MTBP: variants seen among roughly 807,000 people sequenced by gnomAD.
MTBP encodes the protein MDM2 binding protein.
A neutral mutation model predicts 117.0 loss-of-function variants in MTBP; 101 were observed. The ratio of observed to expected loss-of-function variants is 0.86; its 90% CI spans 0.73 to 1.02. The LOEUF is 1.02. Ranked by LOEUF, MTBP falls within the 50% of genes least tolerant of loss-of-function variation. MTBP has a pLI of 0.00. For missense variants in MTBP, 970 were observed against 1,030.9 expected, an observed-to-expected ratio of 0.94 and a Z score of 0.81; for synonymous variants, 350 against 351.5, an observed-to-expected ratio of 1.00 and a Z score of 0.05.
At chr8:120,492,027 T>A (rs977180089) in intron 13 of MTBP, among the ~76,000 whole-genome samples, 2 of 151,860 alleles carry the variant, frequency 1.3e-5, no homozygotes, top group African/African-American at 2.4e-5. Flanking sequence ...ATTAAAAAAA[T>A]AAAAAATCGC....
At chr8:120,486,234 C>T (rs1814210975) in intron 11 of MTBP, among the ~76,000 whole-genome samples, 1 of 152,082 alleles carries the variant, frequency 6.6e-6, no homozygotes, top group African/African-American at 2.4e-5. Context: ...TACCAAGTCT[C>T]CATAGTTTTT....
chr8:120,500,306 A>G (rs1814556781), intron 14 of MTBP, among the ~76,000 whole-genome samples: 2 of 152,284 alleles, frequency 1.3e-5, no homozygotes, highest in Admixed American at 1.3e-4. Flanking sequence ...TAAGAATTGT[A>G]TTAAATGATT....
chr8:120,471,447 C>T (rs1813814818), intron 11 of MTBP: 1 of 152,226 alleles, frequency 6.6e-6, no homozygotes, highest in Non-Finnish European at 1.5e-5. Context: ...GGATTACAGG[C>T]ACCCACCACC....
At chr8:120,488,484 C>T in intron 12 of MTBP, 152 bp downstream of exon 12, 1 of 608,580 alleles carries the variant, frequency 1.6e-6, no homozygotes, top group Non-Finnish European at 2.5e-6. Context: ...TTATTTAAAA[C>T]ATATTATGAC....
intron 11 of MTBP, chr8:120,473,445 C>G (rs1813865109): frequency 6.6e-6 from 1 of 152,122 alleles, no homozygotes; most frequent in African/African-American, 2.4e-5. Context: ...AAAGGAGCAT[C>G]AAACTGGGTT....
intron 2 of MTBP, 62 bp downstream of exon 2, chr8:120,446,575 A>G: frequency 1.9e-6 from 2 of 1,026,666 alleles, no homozygotes; most frequent in Admixed American, 3.4e-5. Flanking sequence ...TAACTTAATT[A>G]ATTTGGACCC....
At chr8:120,488,982 C>T (rs925563468) in intron 12 of MTBP, among the ~76,000 whole-genome samples, 1 of 151,510 alleles carries the variant, frequency 6.6e-6, no homozygotes, top group African/African-American at 2.4e-5. Context: ...TCTTCACAGG[C>T]GCTTTCCTCA....
intron 7 of MTBP, among the ~76,000 whole-genome samples, chr8:120,458,522 G>A (rs1813517463): frequency 6.6e-6 from 1 of 152,066 alleles, no homozygotes. Flanking sequence ...AACTATGTGA[G>A]ACACTGTGCT....
At position 120,451,022 on chromosome 8, in the gene MTBP, A is replaced by G; in HGVS notation, c.219A>G (p.Ile73Met). 5 of 1,612,178 alleles carry G rather than the reference A, an allele frequency of 3.1e-6. No homozygotes were observed. The highest frequency in any genetic ancestry group is 4.2e-6 in the Non-Finnish European group (5 of 1,179,238). Residue 73 changes from isoleucine (I) to methionine (M), a missense_variant, in exon 3 of 22, where the codon ATA (isoleucine) becomes ATG (methionine). Transcript: ENST00000305949. ...TTCAAGCCTGTTCAGTGGGAGGTAT[A>G]CCTGGTTCCAAGAAGTGGTTCTTTG... is the stretch of plus-strand genomic sequence containing the variant. Reference protein sequence around the residue: ...STFPACSVGGIPGSKKWFFAV... With the variant: ...STFPACSVGGMPGSKKWFFAV...
At chr8:120,500,509 T>C (rs1165784455) in intron 14 of MTBP, among the ~76,000 whole-genome samples, 2 of 152,242 alleles carry the variant, frequency 1.3e-5, no homozygotes, top group African/African-American at 4.8e-5. Flanking sequence ...GTGATTTTTT[T>C]CTTTATGCTT....
chr8:120,478,994 A>G (rs1045451693), intron 11 of MTBP, among the ~76,000 whole-genome samples: 2 of 152,242 alleles, frequency 1.3e-5, no homozygotes, highest in African/African-American at 4.8e-5. Flanking sequence ...CTGTGGAACC[A>G]TGTCCTTTGC....
At chr8:120,522,914 A>G (rs1033647319) in intron 21 of MTBP, among the ~76,000 whole-genome samples, 195 bp downstream of exon 21, 2 of 152,174 alleles carry the variant, frequency 1.3e-5, no homozygotes, top group African/African-American at 4.8e-5. Flanking sequence ...TTGCTCTGTC[A>G]GCAAAAGAGT....
intron 12 of MTBP, among the ~76,000 whole-genome samples, chr8:120,489,943 T>G (rs1467196307): frequency 6.6e-6 from 1 of 152,200 alleles, no homozygotes; most frequent in Non-Finnish European, 1.5e-5. Flanking sequence ...AGTTCCTCCC[T>G]ATTTCAAGAT....
chr8:120,480,175 A>G (rs987352225), intron 11 of MTBP, among the ~76,000 whole-genome samples: 2 of 151,182 alleles, frequency 1.3e-5, no homozygotes, highest in African/African-American at 4.8e-5. Flanking sequence ...TTTCTATAGA[A>G]ATTGACAAAC....
At chr8:120,457,448 T>C (rs557639480) in intron 7 of MTBP, among the ~76,000 whole-genome samples, 71 of 152,254 alleles carry the variant, frequency 4.7e-4, no homozygotes, top group African/African-American at 1.6e-3. Flanking sequence ...TTACACTAGT[T>C]ACTAGAAATT....
chr8:120,515,861 T>A, intron 17 of MTBP, 64 bp from the exon 18 acceptor site: 1 of 1,429,206 alleles, frequency 7.0e-7, no homozygotes, highest in Non-Finnish European at 9.6e-7. Context: ...ATTTTCTCAT[T>A]GAAAGGGGAA....
intron 15 of MTBP, among the ~76,000 whole-genome samples, chr8:120,505,046 A>G (rs886526290): frequency 4.0e-5 from 6 of 151,078 alleles, no homozygotes; most frequent in African/African-American, 1.2e-4. Flanking sequence ...TTCCATTTGC[A>G]GCTGTTTTAT....
rs773087788 is a variant in MTBP at position 120,459,278 on chromosome 8, A to G, written c.811A>G (p.Thr271Ala). The change falls in exon 8 of 22, where the codon ACT becomes GCT. Residue 271 changes from threonine (T) to alanine (A), a missense_variant. By Grantham distance (58) the Thr-to-Ala change is moderately conservative (BLOSUM62 0). Transcript: ENST00000305949. The stretch of plus-strand genomic sequence containing the variant: ...GGGAGTCACACTTAAGAATTTTAGT[A>G]CTTCTAATTTAAATACTGACTTCCT... ...LKGVTLKNFS[T>A]SNLNTDFLAK... 1.1e-5 allele frequency: 17 copies of G among 1,610,906 alleles called. No homozygotes were observed. The highest frequency in any genetic ancestry group is 3.3e-4 in the Middle Eastern group (2 of 6,054).
chr8:120,451,194 G>C lies in MTBP; in HGVS notation c.297G>C (p.Glu99Asp), dbSNP rs751664625. The change falls in exon 4 of 22, where the codon GAG becomes GAC. Residue 99 changes from glutamate (E) to aspartate (D), a missense_variant. Glu to Asp is a conservative substitution (Grantham distance 45). Transcript: ENST00000305949. ...AGTTTTGTAGTTCTGATTGGCAAGA[G>C]ATACATTTTGATACAGAAAAAGATA... The part of the protein sequence containing the change: ...FYQFCSSDWQ[E>D]IHFDTEKDKI... 1.2e-6 allele frequency: 2 copies of C among 1,606,994 alleles called. No individual in the cohort carries two copies. Among genetic ancestry groups the C allele is most frequent in the Non-Finnish European group, 1.7e-6 (2 of 1,175,012 alleles).
Sources: allele counts gnomAD v4.1 joint callset (sites outside exome capture counted in the v4.1 genomes callset), GRCh38; gene constraint gnomAD v4.1.1; transcripts MANE v1.5; gene names NCBI Gene and HGNC (gene_info 2026-07-23, HGNC 2026-07-21).